TFDP1: variants seen among roughly 807,000 people sequenced by gnomAD.
TFDP1 encodes the protein transcription factor Dp-1.
TFDP1 carries 6 observed loss-of-function variants against 48.0 expected under a neutral mutation model. That is an observed-to-expected ratio of 0.13 (90% CI 0.07 to 0.25). TFDP1 has a LOEUF of 0.25. TFDP1 is among the 10% of genes least tolerant of loss of function. TFDP1 has a pLI of 1.00. For missense variants in TFDP1, 335 were observed against 543.0 expected (o/e 0.62, Z 3.81); for synonymous variants, 201 against 211.6 (o/e 0.95, Z 0.44).
intron 4 of TFDP1, among the ~76,000 whole-genome samples, chr13:113,625,829 G>A (rs180728014): frequency 7.0e-6 from 1 of 141,954 alleles, no homozygotes; most frequent in East Asian, 2.3e-4. Context: ...GCGTCCTCAG[G>A]TGTCTCACGC....
At chr13:113,626,092 G>A (rs1566668113) in intron 4 of TFDP1, among the ~76,000 whole-genome samples, 2 of 124,070 alleles carry the variant, frequency 1.6e-5, no homozygotes, top group Non-Finnish European at 3.3e-5. Context: ...GTCCTCAGGT[G>A]TTTCTCAGGT....
intron 2 of TFDP1, among the ~76,000 whole-genome samples, chr13:113,595,805 G>A (rs1041224952): frequency 2.2e-4 from 34 of 152,234 alleles, no homozygotes; most frequent in Non-Finnish European, 4.0e-4. Context: ...AATGGCGGCC[G>A]GGTGCGGTGG....
chr13:113,596,463 C>A (rs1412920867), intron 2 of TFDP1, among the ~76,000 whole-genome samples: 1 of 152,168 alleles, frequency 6.6e-6, no homozygotes, highest in Non-Finnish European at 1.5e-5. Flanking sequence ...CCGAGTTGAG[C>A]TGGCTGTGGA....
At chr13:113,619,920 T>G (rs1411086274) in intron 3 of TFDP1, among the ~76,000 whole-genome samples, 2 of 152,086 alleles carry the variant, frequency 1.3e-5, no homozygotes, top group Non-Finnish European at 2.9e-5. Context: ...GGGCTCAGAC[T>G]CCAGGTGGAC....
intron 2 of TFDP1, among the ~76,000 whole-genome samples, chr13:113,600,508 C>T (rs914141525): frequency 2.0e-5 from 2 of 97,812 alleles, no homozygotes; most frequent in Non-Finnish European, 3.9e-5. Flanking sequence ...GTACGTAGGG[C>T]TCCAGGACCA....
intron 2 of TFDP1, among the ~76,000 whole-genome samples, chr13:113,596,346 G>T (rs2048289079): frequency 6.6e-6 from 1 of 152,176 alleles, no homozygotes; most frequent in South Asian, 2.1e-4. Context: ...GGCCATTCCT[G>T]CTTTAGGGCA....
At chr13:113,626,682 G>A (rs567656743) in intron 4 of TFDP1, among the ~76,000 whole-genome samples, 2 of 152,338 alleles carry the variant, frequency 1.3e-5, no homozygotes, top group South Asian at 4.1e-4. Context: ...GTTTGTGGAA[G>A]CCCTACCACG....
intron 3 of TFDP1, among the ~76,000 whole-genome samples, chr13:113,614,157 T>C (rs2048795197): frequency 6.6e-6 from 1 of 151,894 alleles, no homozygotes; most frequent in African/African-American, 2.4e-5. Flanking sequence ...TGTGCATGTG[T>C]GTGTGTTGTG....
intron 2 of TFDP1, among the ~76,000 whole-genome samples, chr13:113,589,041 G>A (rs536342966): frequency 6.6e-6 from 1 of 151,884 alleles, no homozygotes; most frequent in African/African-American, 2.4e-5. Context: ...TGGGTGGAGA[G>A]TGAGTGGCGG....
rs376474337 is a variant in TFDP1, at chr13:113,623,606, C to T, written c.186+320C>T. On this transcript the variant is annotated intron_variant, in intron 4 of 11. Transcript: ENST00000375370. The surrounding 1 kb of genome is among the most constrained non-coding windows in gnomAD (Gnocchi z 5.2). ...GCAGCTTCCTTTTAGTGTCAGAGCTCGAAGCTCTTCATCTAACAGGGGCTT... is the reference window on the plus strand; with the variant it reads ...GCAGCTTCCTTTTAGTGTCAGAGCTTGAAGCTCTTCATCTAACAGGGGCTT... 3.0e-4 allele frequency among the ~76,000 whole-genome samples: 46 copies of T among 152,218 alleles called. No individual in the cohort carries two copies. Among genetic ancestry groups the T allele is most frequent in the African/African-American group, 9.6e-4 (40 of 41,546 alleles).
At chr13:113,601,340 C>CGGCTGCTGGTGGGATCCTGCTCCTTGTG (rs1555351744) in intron 2 of TFDP1, among the ~76,000 whole-genome samples, 7 of 150,416 alleles carry the variant, frequency 4.7e-5, no homozygotes, top group Admixed American at 2.6e-4. Flanking sequence ...TTAACTCACC[C>CGGCTGCTGGTGGGATCCTGCTCCTTGTG]GGCTGCTGGT....
chr13:113,611,266 G>T (rs2048702350), intron 3 of TFDP1, among the ~76,000 whole-genome samples: 1 of 152,258 alleles, frequency 6.6e-6, no homozygotes, highest in Non-Finnish European at 1.5e-5. Context: ...TAGCTTTGTG[G>T]ATTTTGAATT....
chr13:113,605,435 C>A (rs1027639477), intron 2 of TFDP1, among the ~76,000 whole-genome samples: 8 of 152,190 alleles, frequency 5.3e-5, no homozygotes, highest in African/African-American at 1.9e-4. Context: ...GTGAAACAGA[C>A]AAATGTAGTG....
intron 2 of TFDP1, among the ~76,000 whole-genome samples, chr13:113,587,211 G>C (rs1201384595): frequency 1.3e-5 from 2 of 152,154 alleles, no homozygotes; most frequent in African/African-American, 4.8e-5. Flanking sequence ...CGTGTGGAAA[G>C]GTGGTCCGGC....
chr13:113,609,624 T>C (rs1181325353), intron 2 of TFDP1, among the ~76,000 whole-genome samples: 2 of 151,970 alleles, frequency 1.3e-5, no homozygotes, highest in African/African-American at 2.4e-5. Flanking sequence ...CCCCTGACTG[T>C]TACCTGGGTG....
chr13:113,636,849 G>T, intron 10 of TFDP1, 149 bp downstream of exon 10: 1 of 1,016,168 alleles, frequency 9.8e-7, no homozygotes, highest in Non-Finnish European at 1.4e-6. Flanking sequence ...GGCTGTGAGG[G>T]GGATGAGGGC....
intron 3 of TFDP1, among the ~76,000 whole-genome samples, chr13:113,613,085 C>T (rs1566654758): frequency 6.6e-6 from 1 of 152,180 alleles, no homozygotes; most frequent in South Asian, 2.1e-4. Context: ...GGCGCCGTCT[C>T]GGCTCACTGC....
Position 113,607,904 on chromosome 13 carries a change from C to G in TFDP1, c.13-3092C>G, listed in dbSNP as rs1368142624. Among the ~76,000 whole-genome samples, 1 of 152,202 alleles carries G rather than the reference C, an allele frequency of 6.6e-6. No homozygotes were observed. ...CATCCAGGCCACCTGTGCCGCAGCC[C>G]CCATGGCTGCCGAGGTCTCCCCTGG... On this transcript the variant is annotated intron_variant, in intron 2 of 11. Transcript: ENST00000375370. The surrounding 1 kb of genome is among the most constrained non-coding windows in gnomAD (Gnocchi z 5.2).
chr13:113,634,185 C>A, intron 7 of TFDP1, 152 bp downstream of exon 7: 1 of 1,107,834 alleles, frequency 9.0e-7, no homozygotes, highest in Non-Finnish European at 1.3e-6. Flanking sequence ...CTGCGTTTCT[C>A]AGTCTTGGCT....
Sources: gnomAD v4.1 joint callset for allele counts (sites outside exome capture counted in the v4.1 genomes callset) on GRCh38, gnomAD v4.1.1 for gene constraint, Gnocchi (gnomAD v3.1) non-coding constraint, MANE v1.5 for transcripts, NCBI Gene and HGNC (gene_info 2026-07-23, HGNC 2026-07-21) for gene names.